The following MYO16 variants were observed in gnomAD, a reference collection of about 807,000 sequenced individuals.
The protein encoded by MYO16 is myosin XVI.
In MYO16, 94 loss-of-function variants were observed where a neutral mutation model predicts 205.3. That is an observed-to-expected ratio of 0.46 (90% CI 0.39 to 0.54). The LOEUF is 0.54. MYO16 is among the 20% of genes least tolerant of loss of function. The pLI is 0.00. For synonymous variants in MYO16, 988 were observed against 954.0 expected, an observed-to-expected ratio of 1.04 and a Z score of -0.66; for missense variants, 2,315 against 2,387.5, an observed-to-expected ratio of 0.97 and a Z score of 0.63.
At chr13:108,903,483 A>T (rs1434835132) in intron 15 of MYO16, among the ~76,000 whole-genome samples, 1 of 152,180 alleles carries the variant, frequency 6.6e-6, no homozygotes, top group Non-Finnish European at 1.5e-5. Context: ...AGAAGGTTAC[A>T]TTCCAAGGTA....
intron 2 of MYO16, among the ~76,000 whole-genome samples, chr13:108,667,315 GTTTTGTTT>G (rs1431898073): frequency 5.1e-5 from 6 of 118,296 alleles, no homozygotes; most frequent in African/African-American, 1.6e-4. Flanking sequence ...GAGAATTTCT[GTTTTGTTT>G]TTTTTTTTTT....
intron 2 of MYO16, among the ~76,000 whole-genome samples, chr13:108,677,348 T>TATGC (rs1555337982): frequency 0.016 from 1,491 of 91,086 alleles, 28 homozygotes; most frequent in African/African-American, 0.059. Flanking sequence ...TATATATATA[T>TATGC]ATATATGCAT....
the MYO16 span, among the ~76,000 whole-genome samples, chr13:108,544,289 T>A: frequency 6.6e-6 from 1 of 152,178 alleles, no homozygotes; most frequent in East Asian, 1.9e-4. Context: ...CCAGATGTTG[T>A]CCAATCACGT....
At chr13:108,764,227 A>C (rs1343699768) in intron 4 of MYO16, among the ~76,000 whole-genome samples, 1 of 152,218 alleles carries the variant, frequency 6.6e-6, no homozygotes, top group Non-Finnish European at 1.5e-5. Context: ...TAGGAAAAGA[A>C]TGTTTTAGAC....
intron 4 of MYO16, among the ~76,000 whole-genome samples, chr13:108,782,252 A>G (rs1886326647): frequency 6.6e-6 from 1 of 152,138 alleles, no homozygotes; most frequent in Non-Finnish European, 1.5e-5. Flanking sequence ...GGAGTTGAGG[A>G]ATTTATTGGG....
At chr13:108,888,539 C>T in intron 14 of MYO16, 62 bp downstream of exon 14, 3 of 1,192,614 alleles carry the variant, frequency 2.5e-6, no homozygotes, top group Admixed American at 2.1e-5. Context: ...TTGTCATTTA[C>T]AAATAGGGGA....
chr13:108,884,473 G>C (rs1405895618), intron 13 of MYO16, among the ~76,000 whole-genome samples: 1 of 152,172 alleles, frequency 6.6e-6, no homozygotes, highest in Non-Finnish European at 1.5e-5. Context: ...TCAAAAATGA[G>C]AAAGGCGCTG....
intron 1 of MYO16, among the ~76,000 whole-genome samples, chr13:108,603,651 G>T (rs1433675377): frequency 6.6e-6 from 1 of 151,624 alleles, no homozygotes; most frequent in Non-Finnish European, 1.5e-5. Flanking sequence ...GGCTTATTTT[G>T]TCACTTATAG....
At chr13:108,732,490 C>T (rs1382531255) in intron 4 of MYO16, among the ~76,000 whole-genome samples, 1 of 152,094 alleles carries the variant, frequency 6.6e-6, no homozygotes, top group Non-Finnish European at 1.5e-5. Context: ...GTGTGCCAGC[C>T]AGAGGGGACG....
intron 4 of MYO16, among the ~76,000 whole-genome samples, chr13:108,763,619 G>A (rs1482727869): frequency 2.6e-5 from 4 of 152,140 alleles, no homozygotes; most frequent in Non-Finnish European, 1.5e-5. Flanking sequence ...AGATGGGAGG[G>A]ATGGTGCAGT....
chr13:109,065,267 T>G (rs2139635439), intron 27 of MYO16, among the ~76,000 whole-genome samples: 1 of 152,250 alleles, frequency 6.6e-6, no homozygotes, highest in South Asian at 2.1e-4. Flanking sequence ...TCAAAGCACT[T>G]GAAACCAACC....
At chr13:109,004,571 A>C (rs996401512) in intron 21 of MYO16, among the ~76,000 whole-genome samples, 1 of 152,142 alleles carries the variant, frequency 6.6e-6, no homozygotes, top group African/African-American at 2.4e-5. Flanking sequence ...AACAGTAGGG[A>C]TGCCATTGTG....
chr13:108,936,085 TTTCCTTCCTTCCTTCCTTCC>T (rs56030003), intron 16 of MYO16, among the ~76,000 whole-genome samples: 1,660 of 129,100 alleles, frequency 0.013, 23 homozygotes, highest in South Asian at 0.025. Context: ...TTGGCTATAG[TTTCCTTCCTTCCTTCCTTCC>T]TTCCTTCCTT....
chr13:109,052,548 A>T, intron 25 of MYO16, 73 bp downstream of exon 25: 1 of 1,192,516 alleles, frequency 8.4e-7, no homozygotes, highest in South Asian at 1.5e-5. Context: ...TTTTTTAAAA[A>T]AAAGCACAAT....
chr13:108,806,683 A>G lies in MYO16; in HGVS notation c.746A>G (p.His249Arg). ...TAAGATGTCTCTTCGCTGCAGTTAC[A>G]CATGGCGTGTGCGAGTGGCTACAAG... is the stretch of plus-strand genomic sequence containing the variant. ...EKNDEGVTLLHMACASGYKEV... is the reference protein window; with the variant it reads ...EKNDEGVTLLRMACASGYKEV... The change falls in exon 7 of 35, where the codon CAC (histidine) becomes CGC (arginine). Residue 249 changes from histidine (H) to arginine (R), a missense_variant. His to Arg is a conservative substitution (Grantham distance 29). Around this residue, in one of 3 missense-constraint regions of MYO16, gnomAD observed 1,213 missense variants for 1,274.4 expected, o/e 0.95. Coordinates refer to ENST00000457511, the MANE Select transcript of MYO16 (RefSeq NM_001198950.3). The G allele has an allele frequency of 6.2e-7, 1 of 1,612,770 alleles. No individual in the cohort carries two copies. The highest frequency in any genetic ancestry group is 8.5e-7 in the Non-Finnish European group (1 of 1,179,020).
chr13:108,962,537 C>G (rs763476621), intron 19 of MYO16, 42 bp downstream of exon 19: 5 of 1,361,394 alleles, frequency 3.7e-6, no homozygotes, highest in Non-Finnish European at 4.1e-6. Context: ...AATTTAGAAT[C>G]AAATATGAAA....
At chr13:109,098,535 G>T (rs1397944986) in intron 27 of MYO16, among the ~76,000 whole-genome samples, 1 of 152,160 alleles carries the variant, frequency 6.6e-6, no homozygotes, top group Non-Finnish European at 1.5e-5. Context: ...GTGACGTGTT[G>T]TTGGGCGTTG....
At chr13:108,533,510 A>G in the MYO16 span, among the ~76,000 whole-genome samples, 24 of 152,236 alleles carry the variant, frequency 1.6e-4, no homozygotes, top group Admixed American at 7.9e-4. Flanking sequence ...AAGCCTCAGT[A>G]GAAATTTTGG....
In MYO16 at chr13:108,844,418, A is replaced by ACCAC; in HGVS notation, c.1173_1174insCCAC (p.Gly392ProfsTer5). 1 of 1,613,336 alleles carries ACCAC rather than the reference A, an allele frequency of 6.2e-7. No homozygotes were observed. The highest frequency in any genetic ancestry group is 1.7e-5 in the Admixed American group (1 of 59,970). ...ACATTATGTTCAAAGATGCAACAAA[A>ACCAC]GGTCTGTGTAAGCAGCAGTCTCAGG... On this transcript the variant is annotated frameshift_variant, in exon 10 of 35. Transcript: ENST00000457511. LOFTEE classifies it high-confidence loss of function.
Sources: allele counts gnomAD v4.1 joint callset (sites outside exome capture counted in the v4.1 genomes callset), GRCh38; gene constraint gnomAD v4.1.1; regional missense constraint gnomAD v4.1.1; transcripts MANE v1.5; gene names NCBI Gene and HGNC (gene_info 2026-07-23, HGNC 2026-07-21).